The following ODF2L variants were observed in gnomAD, a reference collection of about 807,000 sequenced individuals.
ODF2L encodes outer dense fiber of sperm tails 2 like, also known as protein BCAP.
In ODF2L, 76 loss-of-function variants were observed where a neutral mutation model predicts 86.3. The observed-to-expected ratio is 0.88, with a 90% CI of 0.73 to 1.07. ODF2L has a LOEUF of 1.07. ODF2L is among the 50% of genes least tolerant of loss of function. ODF2L has a pLI of 0.00. For missense variants in ODF2L, 748 were observed against 717.4 expected, an observed-to-expected ratio of 1.04 and a Z score of -0.49; for synonymous variants, 241 against 231.3, an observed-to-expected ratio of 1.04 and a Z score of -0.38.
chr1:86,393,393 A>C (rs1333226313), intron 1 of ODF2L, among the ~76,000 whole-genome samples: 2 of 152,202 alleles, frequency 1.3e-5, no homozygotes, highest in Non-Finnish European at 1.5e-5. Flanking sequence ...TGAAAAAAAA[A>C]AAAAGGATAG....
In ODF2L at chr1:86,383,133, C is replaced by G; in HGVS notation, c.435+1G>C. On this transcript the variant is annotated splice_donor_variant, in intron 5 of 17. Transcript: ENST00000317336. LOFTEE classifies it high-confidence loss of function. ...CACAAAGTAAGTGTGGAAAGACTTA[C>G]AGTATTTTCACTTTCATTATCAGTT... The G allele has an allele frequency of 6.5e-7, 1 of 1,543,384 alleles. No individual in the cohort carries two copies. Among genetic ancestry groups the G allele is most frequent in the Non-Finnish European group, 8.9e-7 (1 of 1,123,490 alleles).
chr1:86,358,093 T>G, intron 13 of ODF2L: 1 of 985,542 alleles, frequency 1.0e-6, no homozygotes, highest in South Asian at 4.7e-5. Context: ...TGCCTTGCTC[T>G]GACTTCTCAA....
chr1:86,380,533 TC>T (rs1660508551), intron 7 of ODF2L, among the ~76,000 whole-genome samples: 1 of 152,134 alleles, frequency 6.6e-6, no homozygotes, highest in Non-Finnish European at 1.5e-5. Flanking sequence ...AACTAAATTT[TC>T]TTTTTGAACA....
chr1:86,352,977 T>C, exon 17 of ODF2L: 1 of 1,512,732 alleles, frequency 6.6e-7, no homozygotes. Flanking sequence ...CTCTATTTCT[T>C]CAGCAACCTG....
intron 12 of ODF2L, 111 bp downstream of exon 11, chr1:86,360,315 C>A: frequency 3.5e-6 from 2 of 564,866 alleles, no homozygotes; most frequent in Non-Finnish European, 6.3e-6. Context: ...ATATTATAAC[C>A]CACAATGATA....
chr1:86,348,971 T>C (rs1035047311), downstream of ODF2L: 1 of 1,273,280 alleles, frequency 7.9e-7, no homozygotes, highest in African/African-American at 1.6e-5. Context: ...ATACAATAAC[T>C]AGATAATTCT....
intron 14 of ODF2L, chr1:86,355,340 C>T (rs1252198404): frequency 1.3e-6 from 2 of 1,522,036 alleles, no homozygotes; most frequent in East Asian, 2.5e-5. Flanking sequence ...CAAAGACACA[C>T]TCACCCATGC....
intron 6 of ODF2L, among the ~76,000 whole-genome samples, 174 bp downstream of exon 6, chr1:86,382,757 T>C (rs984241075): frequency 4.6e-5 from 7 of 151,816 alleles, no homozygotes; most frequent in African/African-American, 1.7e-4. Flanking sequence ...TAAAAAAACT[T>C]AATAAAATTA....
At chr1:86,392,962 T>TA (rs367910865) in intron 1 of ODF2L, among the ~76,000 whole-genome samples, 44 of 152,150 alleles carry the variant, frequency 2.9e-4, no homozygotes, top group African/African-American at 1.0e-3. Context: ...TTTCCAGGAG[T>TA]GCTTGTAGGC....
intron 7 of ODF2L, among the ~76,000 whole-genome samples, chr1:86,377,974 G>T (rs1018214400): frequency 2.0e-5 from 3 of 152,128 alleles, no homozygotes; most frequent in African/African-American, 7.2e-5. Context: ...CTATTGCATG[G>T]GCAGGCTGCA....
At chr1:86,372,694 T>C in intron 8 of ODF2L, 154 bp from the exon 9 acceptor site, 1 of 424,184 alleles carries the variant, frequency 2.4e-6, no homozygotes, top group Non-Finnish European at 4.2e-6. Context: ...TTTATAGCAG[T>C]GCAATTCATA....
chr1:86,356,040 AAC>A (rs1163841618), intron 14 of ODF2L: 1 of 224,998 alleles, frequency 4.4e-6, no homozygotes, highest in Non-Finnish European at 9.0e-6. Context: ...AGGAAAAAGA[AAC>A]AGACTGAAAA....
chr1:86,379,312 C>T (rs533093125), intron 7 of ODF2L, among the ~76,000 whole-genome samples: 1 of 152,262 alleles, frequency 6.6e-6, no homozygotes, highest in South Asian at 2.1e-4. Flanking sequence ...TTCTCTATAA[C>T]CTGTTAAAGG....
Position 86,389,951 on chromosome 1 carries a change from CAG to C in ODF2L, c.-59-2867_-59-2866del, listed in dbSNP as rs554120210. Among the ~76,000 whole-genome samples the C allele has an allele frequency of 6.4e-4, 97 of 152,270 alleles. 1 individual carries two copies. In the Middle Eastern group the frequency reaches 0.014, roughly 21 times the overall value. On this transcript the variant is annotated intron_variant, in intron 1 of 17. Transcript: ENST00000317336. ...AGATAGATCCACAGCTGAATTCTACCAGACATTCAAAGAACAATTGGTACCAA... is the reference window on the plus strand; with the variant it reads ...AGATAGATCCACAGCTGAATTCTACCACATTCAAAGAACAATTGGTACCAA...
downstream of ODF2L, chr1:86,348,981 T>C (rs1457830364): frequency 5.5e-5 from 66 of 1,210,728 alleles, no homozygotes; most frequent in Non-Finnish European, 7.1e-5. Flanking sequence ...TAGATAATTC[T>C]TTTTGATTTT....
intron 11 of ODF2L, among the ~76,000 whole-genome samples, chr1:86,366,757 T>C (rs1409378443): frequency 6.6e-6 from 1 of 152,008 alleles, no homozygotes; most frequent in African/African-American, 2.4e-5. Flanking sequence ...AACGAAGGAT[T>C]AGGAGATAAA....
intron 11 of ODF2L, among the ~76,000 whole-genome samples, chr1:86,362,260 G>A (rs897033640): frequency 1.3e-5 from 2 of 151,710 alleles, no homozygotes; most frequent in African/African-American, 4.8e-5. Flanking sequence ...GCAGTGACAC[G>A]ATCTGACTAA....
At chr1:86,350,346 A>C (rs1040359629) in exon 18 of ODF2L, 1 of 152,332 alleles carries the variant, frequency 6.6e-6, no homozygotes, top group Middle Eastern at 3.4e-3. Context: ...GAGTGAGAAC[A>C]TGCGGTGTTT....
chr1:86,347,288 T>C (rs1044147587), downstream of ODF2L: 1 of 152,182 alleles, frequency 6.6e-6, no homozygotes, highest in African/African-American at 2.4e-5. Flanking sequence ...TGCCCAGATA[T>C]TTATATGACT....
Sources: allele counts gnomAD v4.1 joint callset (sites outside exome capture counted in the v4.1 genomes callset), GRCh38; gene constraint gnomAD v4.1.1; transcripts MANE v1.5; gene names NCBI Gene and HGNC (gene_info 2026-07-23, HGNC 2026-07-21).